NPHP1: variants seen among roughly 807,000 people sequenced by gnomAD.
NPHP1 encodes nephrocystin 1.
In NPHP1, 70 loss-of-function variants were observed where a neutral mutation model predicts 90.4. That is an observed-to-expected ratio of 0.77 (90% CI 0.64 to 0.95). NPHP1 has a LOEUF of 0.95. Among genes scored for constraint, NPHP1 ranks in the 40% least tolerant of loss-of-function variants. The pLI is 0.00. For missense variants in NPHP1, 764 were observed against 795.9 expected, an observed-to-expected ratio of 0.96 and a Z score of 0.48; for synonymous variants, 256 against 271.7, an observed-to-expected ratio of 0.94 and a Z score of 0.57.
intron 9 of NPHP1, among the ~76,000 whole-genome samples, chr2:110,162,036 C>T (rs1457241995): frequency 1.3e-5 from 2 of 152,026 alleles, no homozygotes; most frequent in Non-Finnish European, 2.9e-5. Flanking sequence ...AAAACAAAGT[C>T]GTTAGTTTTA....
chr2:110,129,923 T>G (rs1235337962), intron 17 of NPHP1, among the ~76,000 whole-genome samples: 2 of 152,172 alleles, frequency 1.3e-5, no homozygotes, highest in Non-Finnish European at 2.9e-5. Context: ...TACCTGAGAC[T>G]GGGTAACATA....
intron 19 of NPHP1, chr2:110,124,989 C>T (rs1019831341): frequency 2.9e-5 from 13 of 441,354 alleles, no homozygotes; most frequent in African/African-American, 2.2e-4. Flanking sequence ...TGGACTCTCA[C>T]CTCTTTTCAT....
chr2:110,142,494 A>G (rs1680719364), intron 16 of NPHP1, among the ~76,000 whole-genome samples: 2 of 151,846 alleles, frequency 1.3e-5, no homozygotes, highest in Non-Finnish European at 2.9e-5. Flanking sequence ...CTGGGACTAC[A>G]GGTGTGCATC....
intron 17 of NPHP1, among the ~76,000 whole-genome samples, chr2:110,131,399 A>G (rs956831441): frequency 1.3e-5 from 2 of 152,178 alleles, no homozygotes; most frequent in Non-Finnish European, 2.9e-5. Context: ...AGAGACATTA[A>G]GGGAAAATAT....
At chr2:110,129,352 G>A in intron 17 of NPHP1, 93 bp from the exon 18 acceptor site, 1 of 944,958 alleles carries the variant, frequency 1.1e-6, no homozygotes, top group Non-Finnish European at 1.7e-6. Flanking sequence ...GAAAATTATT[G>A]TGCCAAATGA....
chr2:110,131,318 T>A (rs1679758865), intron 17 of NPHP1, among the ~76,000 whole-genome samples: 1 of 152,142 alleles, frequency 6.6e-6, no homozygotes, highest in South Asian at 2.1e-4. Context: ...AACCAGCTAT[T>A]TTGGTTGATT....
At chr2:110,193,896 C>G (rs146379247) in intron 2 of NPHP1, among the ~76,000 whole-genome samples, 9 of 152,082 alleles carry the variant, frequency 5.9e-5, no homozygotes, top group Non-Finnish European at 1.3e-4. Context: ...ACAACCTGCT[C>G]CGGAATGACT....
Position 110,125,635 on chromosome 2 carries a change from A to G in NPHP1, c.1761+2T>C. On this transcript the variant is annotated splice_donor_variant, in intron 19 of 19. Transcript: ENST00000445609. LOFTEE classifies it high-confidence loss of function. ...AGTTCAGTGTGGAGACTCATATTTT[A>G]CCTTCTCTGATCTTTTTAATGTGCT... The G allele has an allele frequency of 6.2e-7, 1 of 1,612,100 alleles. No individual in the cohort carries two copies.
intron 2 of NPHP1, chr2:110,184,979 G>A: frequency 1.6e-6 from 1 of 634,384 alleles, no homozygotes; most frequent in Admixed American, 1.8e-5. Flanking sequence ...CGTCCTCTTG[G>A]GAGGCTCTAC....
chr2:110,191,278 T>C (rs1684711772), intron 2 of NPHP1, among the ~76,000 whole-genome samples: 1 of 152,080 alleles, frequency 6.6e-6, no homozygotes, highest in Non-Finnish European at 1.5e-5. Flanking sequence ...AGGAAAGGGA[T>C]GACAGACAGC....
chr2:110,139,172 C>CA (rs533446484), intron 16 of NPHP1, among the ~76,000 whole-genome samples: 21 of 149,040 alleles, frequency 1.4e-4, no homozygotes, highest in Admixed American at 4.7e-4. Flanking sequence ...TGGAATGCAT[C>CA]AAAAAAAAGG....
chr2:110,178,354 A>G, intron 4 of NPHP1, 69 bp downstream of exon 4: 1 of 1,443,938 alleles, frequency 6.9e-7, no homozygotes, highest in East Asian at 2.3e-5. Flanking sequence ...TATGTCTTTG[A>G]GTTAAACATT....
At chr2:110,143,507 C>G in intron 16 of NPHP1, 35 bp downstream of exon 16, 1 of 1,429,176 alleles carries the variant, frequency 7.0e-7, no homozygotes, top group Non-Finnish European at 9.9e-7. Context: ...CTGAATGATC[C>G]CAAATTCACT....
At chr2:110,136,997 C>A (rs1401763848) in intron 16 of NPHP1, among the ~76,000 whole-genome samples, 6 of 152,120 alleles carry the variant, frequency 3.9e-5, no homozygotes, top group Admixed American at 3.9e-4. Context: ...TGGAACAGAA[C>A]AGAGCCCTCA....
intron 1 of NPHP1, 105 bp from the exon 2 acceptor site, chr2:110,201,599 C>A (rs1489431467): frequency 2.4e-6 from 2 of 819,782 alleles, no homozygotes; most frequent in Non-Finnish European, 3.9e-6. Flanking sequence ...TTTAAACATA[C>A]AACAAAGTTT....
intron 2 of NPHP1, among the ~76,000 whole-genome samples, chr2:110,182,466 C>T (rs558512708): frequency 6.6e-6 from 1 of 152,126 alleles, no homozygotes; most frequent in Admixed American, 6.5e-5. Flanking sequence ...TATAAGCCAG[C>T]AGAGACTGGG....
At chr2:110,163,185 T>A (rs200615085) in intron 8 of NPHP1, 50 bp from the exon 9 acceptor site, 4 of 1,278,054 alleles carry the variant, frequency 3.1e-6, no homozygotes, top group Non-Finnish European at 4.6e-6. Context: ...TGTTTCTGCA[T>A]CTCTATAATA....
In NPHP1 at chr2:110,123,895, C is replaced by G. The variant is rs760619900; in HGVS notation, c.1930G>C (p.Gly644Arg). Residue 644 changes from glycine to arginine, a missense_variant, in exon 20 of 20, where the codon GGC becomes CGC. Transcript: ENST00000445609. ...GGTGACAGCAGAGCTTGGAGGGCGC[C>G]CTGGTTTTCTTGGTTTTGCTTAAGG... ...DFLKQNQENQGALQALLSPDG... is the reference protein window; with the variant it reads ...DFLKQNQENQRALQALLSPDG... 3.1e-6 allele frequency: 5 copies of G among 1,614,052 alleles called. No individual in the cohort carries two copies. In the East Asian group the frequency reaches 1.1e-4, roughly 36 times the overall value.
intron 12 of NPHP1, 63 bp from the exon 13 acceptor site, chr2:110,148,089 G>T (rs2104497572): frequency 9.6e-7 from 1 of 1,046,756 alleles, no homozygotes; most frequent in Non-Finnish European, 1.5e-6. Context: ...GGTTTGATGT[G>T]GTTTGAATAA....
Sources: gnomAD v4.1 joint callset for allele counts (sites outside exome capture counted in the v4.1 genomes callset) on GRCh38, gnomAD v4.1.1 for gene constraint, MANE v1.5 for transcripts, NCBI Gene and HGNC (gene_info 2026-07-23, HGNC 2026-07-21) for gene names.